MSRB3: variants seen among roughly 807,000 people sequenced by gnomAD.
MSRB3 encodes methionine sulfoxide reductase B3.
In MSRB3, 13 loss-of-function variants were observed where a neutral mutation model predicts 21.0. That is an observed-to-expected ratio of 0.62 (90% confidence interval 0.40 to 0.98). MSRB3 has a LOEUF of 0.98. MSRB3 is among the 50% of genes least tolerant of loss of function. The pLI, the probability that MSRB3 is intolerant of heterozygous loss-of-function variation, is 0.00. For synonymous variants in MSRB3, 87 were observed against 88.6 expected (o/e 0.98, Z 0.10); for missense variants, 199 against 230.3 (o/e 0.86, Z 0.88).
chr12:65,310,048 G>C (rs2136425262), intron 2 of MSRB3, among the ~76,000 whole-genome samples: 1 of 152,318 alleles, frequency 6.6e-6, no homozygotes, highest in South Asian at 2.1e-4. Context: ...AGATGTTTCT[G>C]TGAGAGAGGC....
chr12:65,373,000 T>C (rs1246812742), intron 5 of MSRB3, among the ~76,000 whole-genome samples: 1 of 152,174 alleles, frequency 6.6e-6, no homozygotes, highest in Admixed American at 6.5e-5. Flanking sequence ...CTCTGGGAAG[T>C]TTTTAAAAAA....
At chr12:65,278,917 G>T in intron 1 of MSRB3, 52 bp downstream of exon 1, 1 of 674,116 alleles carries the variant, frequency 1.5e-6, no homozygotes. Flanking sequence ...CTCCCACCCC[G>T]ACCCTGCCAC....
At chr12:65,395,618 C>G (rs1436112744) in intron 5 of MSRB3, among the ~76,000 whole-genome samples, 1 of 152,140 alleles carries the variant, frequency 6.6e-6, no homozygotes, top group East Asian at 1.9e-4. Flanking sequence ...GTAAAATTCA[C>G]CAGTGAACCC....
intron 5 of MSRB3, among the ~76,000 whole-genome samples, chr12:65,441,042 A>ATT (rs112803063): frequency 6.6e-6 from 1 of 150,516 alleles, no homozygotes; most frequent in African/African-American, 2.4e-5. Flanking sequence ...ATTGAATTTC[A>ATT]TTTTTTTTTG....
chr12:65,365,230 T>G (rs1291156657), intron 4 of MSRB3, among the ~76,000 whole-genome samples: 1 of 152,140 alleles, frequency 6.6e-6, no homozygotes, highest in African/African-American at 2.4e-5. Flanking sequence ...CTGCATTCAG[T>G]GTTGGGAGCA....
chr12:65,378,906 T>G (rs556017586), intron 5 of MSRB3, among the ~76,000 whole-genome samples: 2 of 152,346 alleles, frequency 1.3e-5, no homozygotes, highest in South Asian at 4.1e-4. Flanking sequence ...AAAAATTCAC[T>G]TGATCAGTTT....
chr12:65,293,819 C>G (rs1872794670), intron 1 of MSRB3, among the ~76,000 whole-genome samples: 1 of 152,194 alleles, frequency 6.6e-6, no homozygotes, highest in African/African-American at 2.4e-5. Context: ...ATAAATGCAG[C>G]ATGGGCATGC....
chr12:65,354,113 T>G (rs1002514741), intron 4 of MSRB3, among the ~76,000 whole-genome samples: 1 of 152,102 alleles, frequency 6.6e-6, no homozygotes, highest in Non-Finnish European at 1.5e-5. Context: ...TCTGATGGGC[T>G]TCCCTTTGTG....
chr12:65,421,793 C>G (rs745465242), intron 5 of MSRB3, among the ~76,000 whole-genome samples: 15 of 152,152 alleles, frequency 9.9e-5, no homozygotes, highest in Non-Finnish European at 1.8e-4. Flanking sequence ...AGTACACAGA[C>G]TAGTGACACT....
chr12:65,446,199 G>A lies in MSRB3; in HGVS notation c.293-7529G>A, dbSNP rs138699750. Among the ~76,000 whole-genome samples, 45 of 152,236 alleles carry A rather than the reference G, an allele frequency of 3.0e-4. 1 individual carries two copies. The highest frequency in any genetic ancestry group is 1.1e-3 in the African/African-American group (45 of 41,554). ...TACAGAAATTCTCAAACAATACAAA[G>A]CAAATATAAACTTGAAAAGTGGTCT... On this transcript the variant is annotated intron_variant, in intron 5 of 6. Coordinates refer to ENST00000308259, the MANE Select transcript of MSRB3 (RefSeq NM_001031679.3).
At chr12:65,391,735 C>A (rs1301538375) in intron 5 of MSRB3, among the ~76,000 whole-genome samples, 2 of 152,078 alleles carry the variant, frequency 1.3e-5, no homozygotes, top group African/African-American at 4.8e-5. Context: ...GGCTAGTTCA[C>A]TAAATATTTT....
chr12:65,388,014 A>G (rs1879280556), intron 5 of MSRB3, among the ~76,000 whole-genome samples: 1 of 152,210 alleles, frequency 6.6e-6, no homozygotes, highest in African/African-American at 2.4e-5. Flanking sequence ...TGGAATCATC[A>G]AATTTAGTTA....
intron 4 of MSRB3, among the ~76,000 whole-genome samples, chr12:65,367,363 T>C (rs1361341679): frequency 6.6e-6 from 1 of 152,148 alleles, no homozygotes; most frequent in Non-Finnish European, 1.5e-5. Flanking sequence ...GAGTAATTGA[T>C]ATAGCCTTGT....
chr12:65,431,710 A>C (rs1296825400), intron 5 of MSRB3, among the ~76,000 whole-genome samples: 1 of 152,044 alleles, frequency 6.6e-6, no homozygotes, highest in African/African-American at 2.4e-5. Flanking sequence ...ACTTTTTGAC[A>C]TGCGAGTTTC....
At chr12:65,453,677 G>A (rs755211448) in intron 5 of MSRB3, 51 bp from the exon 6 acceptor site, 2 of 1,319,198 alleles carry the variant, frequency 1.5e-6, no homozygotes, top group African/African-American at 2.9e-5. Context: ...TCTAACCCAA[G>A]GCTGTGTATC....
Position 65,288,814 on chromosome 12 carries a change from A to T in MSRB3, c.-52+9949A>T, listed in dbSNP as rs12231022. 9.7e-4 allele frequency among the ~76,000 whole-genome samples: 146 copies of T among 150,768 alleles called. 1 individual carries two copies. The highest frequency in any genetic ancestry group is 6.8e-3 in the Middle Eastern group (2 of 294). On this transcript the variant is annotated intron_variant, in intron 1 of 6. Transcript: ENST00000308259. ...GGTTGGTTAATCTGGTCTTATTTTT[A>T]AAAAAAACTTCACTGTGAGTTTTAA...
intron 5 of MSRB3, among the ~76,000 whole-genome samples, chr12:65,444,328 A>G (rs1882517339): frequency 6.6e-6 from 1 of 152,368 alleles, no homozygotes; most frequent in African/African-American, 2.4e-5. Context: ...GTGGACCACA[A>G]GATAATTAGG....
chr12:65,430,083 C>T (rs993451535), intron 5 of MSRB3, among the ~76,000 whole-genome samples: 7 of 152,064 alleles, frequency 4.6e-5, no homozygotes, highest in African/African-American at 9.7e-5. Flanking sequence ...TTGTTCCTTC[C>T]TTCCTTCTTT....
intron 1 of MSRB3, among the ~76,000 whole-genome samples, chr12:65,297,353 C>T (rs1249218968): frequency 6.6e-6 from 1 of 152,108 alleles, no homozygotes; most frequent in Non-Finnish European, 1.5e-5. Context: ...CCTGCACATC[C>T]TGCACATGTG....
Sources: gnomAD v4.1 joint callset for allele counts (sites outside exome capture counted in the v4.1 genomes callset) on GRCh38, gnomAD v4.1.1 for gene constraint, MANE v1.5 for transcripts, NCBI Gene and HGNC (gene_info 2026-07-23, HGNC 2026-07-21) for gene names.